SDK1: variants seen among roughly 807,000 people sequenced by gnomAD.
SDK1 encodes protein sidekick-1.
Under a neutral mutation model 245.5 loss-of-function variants are expected in SDK1, and 157 were observed. The ratio of observed to expected loss-of-function variants is 0.64; its 90% CI spans 0.56 to 0.73. The LOEUF (loss-of-function observed/expected upper bound fraction) is 0.73. Among genes scored for constraint, SDK1 ranks in the 30% least tolerant of loss-of-function variants. The pLI is 0.00. For missense variants in SDK1, 3,583 were observed against 3,002.3 expected, an observed-to-expected ratio of 1.19 and a Z score of -4.52; for synonymous variants, 1,647 against 1,278.5, an observed-to-expected ratio of 1.29 and a Z score of -6.15.
intron 1 of SDK1, among the ~76,000 whole-genome samples, chr7:3,618,462 T>C (rs1781836643): frequency 6.6e-6 from 1 of 152,200 alleles, no homozygotes; most frequent in Non-Finnish European, 1.5e-5. Flanking sequence ...TTGATGTGTG[T>C]GGGATTTACC....
At chr7:4,084,407 C>G (rs1274437750) in intron 22 of SDK1, among the ~76,000 whole-genome samples, 3 of 152,146 alleles carry the variant, frequency 2.0e-5, no homozygotes, top group African/African-American at 7.2e-5. Context: ...CTTTCGTATC[C>G]TGGGGCTCCG....
intron 1 of SDK1, among the ~76,000 whole-genome samples, chr7:3,476,578 A>G (rs185138027): frequency 2.4e-4 from 37 of 152,316 alleles, no homozygotes; most frequent in African/African-American, 8.2e-4. Context: ...TTCAGAATAC[A>G]TATGTGTTTT....
intron 4 of SDK1, among the ~76,000 whole-genome samples, chr7:3,658,952 C>G (rs779019571): frequency 1.3e-5 from 2 of 152,042 alleles, no homozygotes; most frequent in Admixed American, 6.6e-5. Flanking sequence ...TTCCATCACC[C>G]CAGAAGAAAA....
chr7:3,721,555 C>A (rs979946483), intron 4 of SDK1, among the ~76,000 whole-genome samples: 15 of 152,198 alleles, frequency 9.9e-5, no homozygotes, highest in African/African-American at 3.1e-4. Flanking sequence ...GATTTGGTAA[C>A]ACCTCTGTGG....
chr7:4,243,352 G>A (rs900337552), intron 43 of SDK1, among the ~76,000 whole-genome samples: 5 of 152,170 alleles, frequency 3.3e-5, no homozygotes, highest in African/African-American at 1.2e-4. Context: ...AAAGAAAATG[G>A]ACCCTTCCCT....
rs910490309 is a variant in SDK1 at position 3,424,753 on chromosome 7, C to T, written c.298+122869C>T. Among the ~76,000 whole-genome samples the T allele has an allele frequency of 8.5e-5, 13 of 152,090 alleles. 1 individual carries two copies. The highest frequency in any genetic ancestry group is 7.9e-4 in the Admixed American group (12 of 15,264). On this transcript the variant is annotated intron_variant, in intron 1 of 44. Transcript: ENST00000404826. ...CTCTACAAAAAATAAAAAAACTAGC[C>T]AGGCATGGTGGCGTGCACCTGTAGT...
intron 4 of SDK1, among the ~76,000 whole-genome samples, chr7:3,718,455 G>A (rs1024549446): frequency 6.6e-6 from 1 of 151,840 alleles, no homozygotes; most frequent in Non-Finnish European, 1.5e-5. Flanking sequence ...CCCGGAGGTT[G>A]AGGCTGCAGT....
At chr7:4,084,908 G>A (rs1318377697) in intron 22 of SDK1, among the ~76,000 whole-genome samples, 7 of 151,808 alleles carry the variant, frequency 4.6e-5, no homozygotes, top group East Asian at 3.9e-4. Context: ...GATTACAGGC[G>A]CCCGCCACCA....
chr7:3,480,272 C>G (rs530784832), intron 1 of SDK1, among the ~76,000 whole-genome samples: 1 of 152,082 alleles, frequency 6.6e-6, no homozygotes, highest in Non-Finnish European at 1.5e-5. Context: ...TGAAAGCTAG[C>G]GGTATCAACA....
chr7:4,045,146 C>A (rs139087606), intron 17 of SDK1, among the ~76,000 whole-genome samples: 1 of 152,182 alleles, frequency 6.6e-6, no homozygotes, highest in Non-Finnish European at 1.5e-5. Flanking sequence ...TCCATAGACA[C>A]ACTACAGTTT....
At chr7:3,965,617 C>A (rs1782027788) in intron 9 of SDK1, among the ~76,000 whole-genome samples, 1 of 152,128 alleles carries the variant, frequency 6.6e-6, no homozygotes, top group Non-Finnish European at 1.5e-5. Context: ...GGATGAGGCT[C>A]TGGGGACACG....
At chr7:4,024,701 GA>G (rs1287164514) in intron 17 of SDK1, among the ~76,000 whole-genome samples, 1 of 152,222 alleles carries the variant, frequency 6.6e-6, no homozygotes, top group Non-Finnish European at 1.5e-5. Context: ...GAATCTCAGT[GA>G]GGTAACTCAC....
Position 3,904,234 on chromosome 7 carries a change from C to T in SDK1, c.848-46689C>T, listed in dbSNP as rs528671880. On this transcript the variant is annotated intron_variant, in intron 5 of 44. Coordinates refer to ENST00000404826, the MANE Select transcript of SDK1 (RefSeq NM_152744.4). ...CAGTTTATATGAAATGTGCAAAATA[C>T]ACAAATCTATAGAGACAGAAAGTAG... Among the ~76,000 whole-genome samples, 6 of 152,226 alleles carry T rather than the reference C, an allele frequency of 3.9e-5. No homozygotes were observed. In the East Asian group the frequency reaches 1.2e-3, roughly 29 times the overall value.
At chr7:3,653,809 C>T (rs566871884) in intron 4 of SDK1, among the ~76,000 whole-genome samples, 1 of 152,196 alleles carries the variant, frequency 6.6e-6, no homozygotes, top group African/African-American at 2.4e-5. Context: ...GGCTGCAGGA[C>T]CTTGCAGCTT....
In SDK1 at chr7:4,189,562, T is replaced by C. The variant is rs1313990635; in HGVS notation, c.5098+10976T>C. ...ACCCATGCTCAGCATTTAAAATCACTCGGCCGGCCAGGCATGGTGGCTCAT... is the reference window on the plus strand; with the variant it reads ...ACCCATGCTCAGCATTTAAAATCACCCGGCCGGCCAGGCATGGTGGCTCAT... On this transcript the variant is annotated intron_variant, in intron 35 of 44. Transcript: ENST00000404826. Among the ~76,000 whole-genome samples, 3 of 152,062 alleles carry C rather than the reference T, an allele frequency of 2.0e-5. No homozygotes were observed. The East Asian group carries it at 5.8e-4, about 29-fold the overall frequency.
intron 4 of SDK1, among the ~76,000 whole-genome samples, chr7:3,797,732 G>C (rs897353890): frequency 5.1e-4 from 78 of 152,222 alleles, no homozygotes; most frequent in African/African-American, 1.9e-3. Context: ...CATGAGTTAA[G>C]GATCTAAATT....
chr7:3,955,540 G>A (rs1170686630), intron 7 of SDK1, among the ~76,000 whole-genome samples: 3 of 152,172 alleles, frequency 2.0e-5, no homozygotes, highest in South Asian at 2.1e-4. Flanking sequence ...GGACACCTCC[G>A]GGAGCCGTTC....
Position 4,178,586 on chromosome 7 carries a change from G to T in SDK1, c.5098G>T (p.Ala1700Ser). The change falls in exon 35 of 45, where the codon GCC becomes TCC. Residue 1700 changes from alanine (A) to serine (S), a missense_variant and splice_region_variant. By Grantham distance (99) the Ala-to-Ser change is moderately conservative. Coordinates refer to ENST00000404826, the MANE Select transcript of SDK1 (RefSeq NM_152744.4). ...APVEVFVGEA[A>S]PAMAPQNVQV... ...CGTGGAGGTCTTTGTCGGCGAGGCT[G>T]GTAAGCTCCGTGCACCCCCAACCCC... 6.2e-7 allele frequency: 1 copy of T among 1,607,116 alleles called. No individual in the cohort carries two copies. The highest frequency in any genetic ancestry group is 8.5e-7 in the Non-Finnish European group (1 of 1,177,380).
intron 4 of SDK1, among the ~76,000 whole-genome samples, chr7:3,767,381 A>C (rs1185549692): frequency 6.6e-6 from 1 of 152,200 alleles, no homozygotes; most frequent in Non-Finnish European, 1.5e-5. Flanking sequence ...ACAAATAAAC[A>C]AAAAAGTGCC....
Sources: gnomAD v4.1 joint callset for allele counts (sites outside exome capture counted in the v4.1 genomes callset) on GRCh38, gnomAD v4.1.1 for gene constraint, MANE v1.5 for transcripts, NCBI Gene and HGNC (gene_info 2026-07-23, HGNC 2026-07-21) for gene names.